Variants in ITGA4 observed in about 807,000 individuals in gnomAD.
The protein encoded by ITGA4 is integrin subunit alpha 4, also known as integrin alpha-4.
In ITGA4, 63 loss-of-function variants were observed where a neutral mutation model predicts 133.6. That is an observed-to-expected ratio of 0.47 (90% CI 0.38 to 0.58). The LOEUF is 0.58. ITGA4 is among the 20% of genes least tolerant of loss of function. The probability of loss-of-function intolerance (pLI) is 0.00; values close to 1 mark genes in which losing one functional copy is unlikely to be tolerated. For synonymous variants in ITGA4, 483 were observed against 438.0 expected, an observed-to-expected ratio of 1.10 and a Z score of -1.28; for missense variants, 1,076 against 1,252.7, an observed-to-expected ratio of 0.86 and a Z score of 2.13.
intron 17 of ITGA4, among the ~76,000 whole-genome samples, chr2:181,519,601 C>G (rs6714061): frequency 0.6 from 91,883 of 151,998 alleles, 28,138 homozygotes; most frequent in South Asian, 0.84. Flanking sequence ...GAATAACTCT[C>G]AAAAACCGTA....
intron 4 of ITGA4, among the ~76,000 whole-genome samples, chr2:181,476,564 G>T (rs1248779723): frequency 6.6e-6 from 1 of 152,274 alleles, no homozygotes; most frequent in Non-Finnish European, 1.5e-5. Context: ...CCCTTAGAAA[G>T]TTCCAAAAGC....
At position 181,478,833 on chromosome 2, in the gene ITGA4, T is replaced by G. The variant is rs1238691841; in HGVS notation, c.624+9T>G. On this transcript the variant is annotated intron_variant, in intron 5 of 27. Coordinates refer to ENST00000397033, the MANE Select transcript of ITGA4 (RefSeq NM_000885.6). ...CCAGTTTTTACACAAAGGTAATTGT[T>G]CAAAAAATAGCTGCTATAAATGTTT... 1 of 1,375,498 alleles carries G rather than the reference T, an allele frequency of 7.3e-7. No individual in the cohort carries two copies. Among genetic ancestry groups the G allele is most frequent in the East Asian group, 2.5e-5 (1 of 40,548 alleles). 85.2% of individuals were successfully genotyped at this position (1,375,498 alleles called of 1,614,324 possible). A position where few individuals can be genotyped will look rare whatever the true frequency, so the allele number is the denominator to read the frequency against.
At chr2:181,500,778 G>A (rs920679511) in intron 15 of ITGA4, among the ~76,000 whole-genome samples, 1 of 151,994 alleles carries the variant, frequency 6.6e-6, no homozygotes, top group African/African-American at 2.4e-5. Flanking sequence ...TATTTATTGA[G>A]TACCCACATT....
At chr2:181,503,192 A>C (rs1045047100) in intron 15 of ITGA4, among the ~76,000 whole-genome samples, 1 of 152,148 alleles carries the variant, frequency 6.6e-6, no homozygotes, top group African/African-American at 2.4e-5. Flanking sequence ...TGATTACCTT[A>C]TGCAAACAAA....
At chr2:181,463,945 T>C (rs1316726524) in intron 2 of ITGA4, among the ~76,000 whole-genome samples, 1 of 152,152 alleles carries the variant, frequency 6.6e-6, no homozygotes, top group Non-Finnish European at 1.5e-5. Flanking sequence ...TAAATTCTCA[T>C]GCAGAGCTTT....
intron 9 of ITGA4, among the ~76,000 whole-genome samples, chr2:181,483,418 A>G (rs1309522054): frequency 6.6e-6 from 1 of 152,204 alleles, no homozygotes; most frequent in African/African-American, 2.4e-5. Flanking sequence ...TTGTGAGAAG[A>G]CCAGTTCATT....
At chr2:181,487,584 A>G (rs1045428622) in intron 10 of ITGA4, among the ~76,000 whole-genome samples, 3 of 152,196 alleles carry the variant, frequency 2.0e-5, no homozygotes, top group African/African-American at 7.2e-5. Flanking sequence ...GCAATAAGAA[A>G]TTGTTATTTA....
intron 2 of ITGA4, among the ~76,000 whole-genome samples, chr2:181,469,398 T>C (rs915719227): frequency 1.3e-5 from 2 of 152,126 alleles, no homozygotes; most frequent in Admixed American, 6.5e-5. Context: ...TGGCGATCAT[T>C]AAAAAGTCAG....
chr2:181,506,356 A>G (rs1432134960), intron 15 of ITGA4, among the ~76,000 whole-genome samples: 1 of 152,106 alleles, frequency 6.6e-6, no homozygotes. Context: ...TCATTTAATC[A>G]TCACAACAGT....
chr2:181,509,542 A>G, intron 15 of ITGA4, 116 bp from the exon 16 acceptor site: 1 of 578,402 alleles, frequency 1.7e-6, no homozygotes, highest in East Asian at 3.2e-5. Context: ...GATAAAAGAT[A>G]AGTATTTGCT....
rs201654650 is a variant in ITGA4 at position 181,537,032 on chromosome 2, G to A, written c.*1505G>A. 20 of 444,074 alleles carry A rather than the reference G, an allele frequency of 4.5e-5. No homozygotes were observed. Among genetic ancestry groups the A allele is most frequent in the Middle Eastern group, 1.5e-3 (2 of 1,376 alleles). The allele number at this position is 444,074 out of a possible 1,614,324, so 27.5% of individuals were successfully genotyped here. A position where few individuals can be genotyped will look rare whatever the true frequency, so the allele number is the denominator to read the frequency against. ...TGGTGAGGAATGTTCTGAGATTTGC[G>A]AAGGCATTTGAGTAGTGAAATGTAA... On this transcript the variant is annotated 3_prime_UTR_variant, in exon 28 of 28. Coordinates refer to ENST00000397033, the MANE Select transcript of ITGA4 (RefSeq NM_000885.6).
chr2:181,467,569 T>G (rs1364379112), intron 2 of ITGA4, among the ~76,000 whole-genome samples: 1 of 152,130 alleles, frequency 6.6e-6, no homozygotes, highest in Non-Finnish European at 1.5e-5. Context: ...CTGAGAACCA[T>G]TCTAAATGGA....
intron 4 of ITGA4, chr2:181,476,013 A>C: frequency 9.3e-7 from 1 of 1,074,278 alleles, no homozygotes; most frequent in Non-Finnish European, 1.2e-6. Flanking sequence ...TCAGCACGCA[A>C]AGAAAAATTT....
intron 10 of ITGA4, among the ~76,000 whole-genome samples, chr2:181,487,220 C>T (rs1284247930): frequency 6.6e-6 from 1 of 152,118 alleles, no homozygotes; most frequent in African/African-American, 2.4e-5. Flanking sequence ...CCATCACTAG[C>T]TTCCCCCTAC....
At chr2:181,519,484 T>C (rs1268741340) in intron 17 of ITGA4, among the ~76,000 whole-genome samples, 12 of 152,160 alleles carry the variant, frequency 7.9e-5, no homozygotes, top group Non-Finnish European at 1.5e-5. Flanking sequence ...GAGGAAGAAT[T>C]TTCTAGCATT....
chr2:181,466,205 C>T (rs886198023), intron 2 of ITGA4, among the ~76,000 whole-genome samples: 1 of 151,956 alleles, frequency 6.6e-6, no homozygotes, highest in Non-Finnish European at 1.5e-5. Flanking sequence ...TCAGGATCAG[C>T]CCAGATTTAT....
intron 9 of ITGA4, among the ~76,000 whole-genome samples, chr2:181,483,500 T>C (rs778966765): frequency 3.0e-4 from 46 of 152,318 alleles, no homozygotes; most frequent in Middle Eastern, 3.4e-3. Context: ...TTTGTAACTA[T>C]GTTCAGTCAA....
At chr2:181,470,886 AAAAGAG>A (rs1339885268) in intron 2 of ITGA4, among the ~76,000 whole-genome samples, 1 of 152,148 alleles carries the variant, frequency 6.6e-6, no homozygotes, top group African/African-American at 2.4e-5. Flanking sequence ...CTAAAAAATA[AAAAGAG>A]AAAAAGTCCC....
At chr2:181,463,959 C>G (rs1275829403) in intron 2 of ITGA4, among the ~76,000 whole-genome samples, 25 of 152,092 alleles carry the variant, frequency 1.6e-4, no homozygotes, top group Admixed American at 1.6e-3. Flanking sequence ...GAGCTTTTAA[C>G]AGTTCTGGTG....
Sources: gnomAD v4.1 joint callset for allele counts (sites outside exome capture counted in the v4.1 genomes callset) on GRCh38, gnomAD v4.1.1 for gene constraint, MANE v1.5 for transcripts, NCBI Gene and HGNC (gene_info 2026-07-23, HGNC 2026-07-21) for gene names.